The following VPS26A variants were observed in gnomAD, a reference collection of about 807,000 sequenced individuals.
VPS26A encodes the protein VPS26 retromer complex component A.
In VPS26A, 22 loss-of-function variants were observed where a neutral mutation model predicts 42.4. That is an observed-to-expected ratio of 0.52 (90% confidence interval 0.37 to 0.74). The LOEUF (loss-of-function observed/expected upper bound fraction) is 0.74, where lower values mean the gene tolerates loss of function less well. Ranked by LOEUF, VPS26A falls within the 30% of genes least tolerant of loss-of-function variation. VPS26A has a pLI of 0.00. For synonymous variants in VPS26A, 110 were observed against 123.5 expected (o/e 0.89, Z 0.73); for missense variants, 276 against 379.2 (o/e 0.73, Z 2.26).
chr10:69,137,825 G>A (rs1218115692), intron 2 of VPS26A, among the ~76,000 whole-genome samples: 1 of 149,664 alleles, frequency 6.7e-6, no homozygotes, highest in Non-Finnish European at 1.5e-5. Flanking sequence ...AAAGGACATG[G>A]GGGCCCTAGG....
rs1488365023 is a variant in VPS26A at position 69,171,816 on chromosome 10, AT to A, written c.*548del. 1 of 153,070 alleles carries A rather than the reference AT, an allele frequency of 6.5e-6. No individual in the cohort carries two copies. The allele number at this position is 153,070 out of a possible 1,614,324, so 9.5% of individuals were successfully genotyped here. On this transcript the variant is annotated 3_prime_UTR_variant, in exon 9 of 9. Coordinates refer to ENST00000263559, the MANE Select transcript of VPS26A (RefSeq NM_004896.5). ...TAACATATGTGTTTGAGAAAAGCAT[AT>A]GGAGTGTTTCACCGCAGGCACTTCT...
intron 2 of VPS26A, among the ~76,000 whole-genome samples, chr10:69,138,491 GT>G (rs1418693003): frequency 1.3e-5 from 2 of 152,140 alleles, no homozygotes; most frequent in African/African-American, 4.8e-5. Flanking sequence ...ATGACAAGAT[GT>G]TTAAGGGTCT....
intron 2 of VPS26A, among the ~76,000 whole-genome samples, chr10:69,143,656 T>C (rs1236212195): frequency 1.3e-5 from 2 of 152,218 alleles, no homozygotes; most frequent in African/African-American, 4.8e-5. Context: ...CCTTTAGTTA[T>C]TGTTCAAGAA....
chr10:69,141,889 C>A (rs1190873225), intron 2 of VPS26A, among the ~76,000 whole-genome samples: 1 of 151,918 alleles, frequency 6.6e-6, no homozygotes, highest in African/African-American at 2.4e-5. Context: ...TACAATGATT[C>A]CTCTTTTTTT....
intron 2 of VPS26A, among the ~76,000 whole-genome samples, chr10:69,155,313 G>A (rs1419661218): frequency 6.6e-6 from 1 of 152,188 alleles, no homozygotes; most frequent in Non-Finnish European, 1.5e-5. Flanking sequence ...ATTACAATAA[G>A]TATGAAGCTA....
intron 1 of VPS26A, among the ~76,000 whole-genome samples, chr10:69,128,441 A>G (rs964020040): frequency 6.6e-6 from 1 of 151,812 alleles, no homozygotes; most frequent in African/African-American, 2.4e-5. Flanking sequence ...CGTGTTAGTC[A>G]GGATGGTCTC....
chr10:69,168,627 A>G lies in VPS26A; in HGVS notation c.866A>G (p.Gln289Arg). ...GAGGAAGACCGGAGGTACTTCAAAC[A>G]GCAGGTATGGTGCCACTTGGGCTGG... ...VDEEDRRYFK[Q>R]QEIILWRKAP... Residue 289 changes from glutamine (Q) to arginine (R), a missense_variant, in exon 8 of 9, where the codon CAG (glutamine) becomes CGG (arginine). Gln to Arg is a conservative substitution (Grantham distance 43). Transcript: ENST00000263559. The G allele has an allele frequency of 6.2e-7, 1 of 1,613,288 alleles. No homozygotes were observed. Among genetic ancestry groups the G allele is most frequent in the Non-Finnish European group, 8.5e-7 (1 of 1,179,622 alleles).
chr10:69,133,858 T>A (rs12246703), intron 2 of VPS26A, among the ~76,000 whole-genome samples: 8,702 of 152,122 alleles, frequency 0.057, 292 homozygotes, highest in South Asian at 0.13. Flanking sequence ...GCTAATTTTT[T>A]AATTTTTTTG....
At position 69,173,655 on chromosome 10, in the gene VPS26A, C is replaced by T. The variant is rs963863834; in HGVS notation, c.*2386C>T. ...ACACTCTAGCTAGGATTGTAAAACGCACTCTGGCTAGCTGGAGGTTTGTAA... is the reference window on the plus strand; with the variant it reads ...ACACTCTAGCTAGGATTGTAAAACGTACTCTGGCTAGCTGGAGGTTTGTAA... On this transcript the variant is annotated 3_prime_UTR_variant, in exon 9 of 9. Transcript: ENST00000263559. Among the ~76,000 whole-genome samples, 5 of 152,204 alleles carry T rather than the reference C, an allele frequency of 3.3e-5. No individual in the cohort carries two copies. The highest frequency in any genetic ancestry group is 9.6e-5 in the African/African-American group (4 of 41,454).
rs1298623648 is a variant in VPS26A, at chr10:69,124,205, G to C, written c.-73G>C. On this transcript the variant is annotated 5_prime_UTR_variant, in exon 1 of 9. Transcript: ENST00000263559. The stretch of plus-strand genomic sequence containing the variant: ...GGTCACGTGACGGAGCGCCGGAGCG[G>C]AGGGAGCCGGGGCTGGGAGTTCTCC... The C allele has an allele frequency of 2.4e-6, 3 of 1,265,912 alleles. No homozygotes were observed. The highest frequency in any genetic ancestry group is 1.5e-5 in the African/African-American group (1 of 65,022). 78.4% of individuals were successfully genotyped at this position (1,265,912 alleles called of 1,614,324 possible).
At chr10:69,162,771 A>G (rs1841589359) in intron 6 of VPS26A, among the ~76,000 whole-genome samples, 1 of 152,192 alleles carries the variant, frequency 6.6e-6, no homozygotes, top group African/African-American at 2.4e-5. Flanking sequence ...TATACAGTAA[A>G]AAGTATCTTA....
At chr10:69,142,325 C>T (rs1481898266) in intron 2 of VPS26A, among the ~76,000 whole-genome samples, 9 of 150,912 alleles carry the variant, frequency 6.0e-5, no homozygotes, top group Non-Finnish European at 1.2e-4. Context: ...TAGCTGGGAC[C>T]GCAGACATAT....
At chr10:69,126,727 G>C (rs1045097905) in intron 1 of VPS26A, among the ~76,000 whole-genome samples, 36 of 151,954 alleles carry the variant, frequency 2.4e-4, no homozygotes, top group Non-Finnish European at 4.3e-4. Context: ...ATTTTATTTA[G>C]AATAATTAGA....
chr10:69,139,428 C>T (rs1373186380), intron 2 of VPS26A, among the ~76,000 whole-genome samples: 2 of 152,094 alleles, frequency 1.3e-5, no homozygotes, highest in East Asian at 3.8e-4. Context: ...CTCAGCCTCC[C>T]AAGTAGCTGG....
intron 2 of VPS26A, among the ~76,000 whole-genome samples, chr10:69,137,345 T>C (rs533392121): frequency 1.2e-4 from 18 of 152,344 alleles, no homozygotes; most frequent in Non-Finnish European, 2.2e-4. Flanking sequence ...GGTCCTATGC[T>C]CAGGGACTTA....
At chr10:69,160,127 T>TACACACACACACACACAC (rs71035066) in intron 5 of VPS26A, among the ~76,000 whole-genome samples, 3 of 148,348 alleles carry the variant, frequency 2.0e-5, no homozygotes, top group East Asian at 2.0e-4. Context: ...ACATAATTTT[T>TACACACACACACACACAC]ACACACACAC....
rs758798075 is a variant in VPS26A, at chr10:69,157,144, G to C, written c.367G>C (p.Gly123Arg). The change falls in exon 4 of 9, where the codon GGT becomes CGT. Residue 123 changes from glycine to arginine, a missense_variant. Physicochemically the swap from Gly to Arg is moderately radical, Grantham distance 125. Transcript: ENST00000263559. ...QVEKPYESYI[G>R]ANVRLRYFLK... is the part of the protein sequence containing the mutation. ...TGAAAAGCCATATGAATCTTACATC[G>C]GTGCCAATGTCCGCTTGAGGTATGA... The C allele has an allele frequency of 6.2e-7, 1 of 1,612,286 alleles. No individual in the cohort carries two copies. Among genetic ancestry groups the C allele is most frequent in the Non-Finnish European group, 8.5e-7 (1 of 1,179,228 alleles).
rs1219584043 is a variant in VPS26A at position 69,132,421 on chromosome 10, T to A, written c.4-477T>A. On this transcript the variant is annotated intron_variant, in intron 1 of 8. Coordinates refer to ENST00000263559, the MANE Select transcript of VPS26A (RefSeq NM_004896.5). ...TTAACATTGTACTTAAGTTGTTCAG[T>A]TTTGATGTAGTTTTTTTTTTTTTCT... Among the ~76,000 whole-genome samples the A allele has an allele frequency of 3.5e-5, 5 of 142,742 alleles. No homozygotes were observed. The Admixed American group carries it at 3.8e-4, about 11-fold the overall frequency. 93.6% of individuals were successfully genotyped at this position (142,742 alleles called of 152,430 possible).
chr10:69,150,431 G>GTCTTGCTC (rs201333225), intron 2 of VPS26A, among the ~76,000 whole-genome samples: 6,313 of 150,460 alleles, frequency 0.042, 455 homozygotes, highest in African/African-American at 0.14. Flanking sequence ...TTGAGATGGA[G>GTCTTGCTC]TGTCCCTCAG....
Sources: gnomAD v4.1 joint callset for allele counts (sites outside exome capture counted in the v4.1 genomes callset) on GRCh38, gnomAD v4.1.1 for gene constraint, MANE v1.5 for transcripts, NCBI Gene and HGNC (gene_info 2026-07-23, HGNC 2026-07-21) for gene names.